IDH2: variants seen among roughly 807,000 people sequenced by gnomAD.
The protein encoded by IDH2 is isocitrate dehydrogenase [NADP], mitochondrial.
Under a neutral mutation model 50.5 loss-of-function variants are expected in IDH2, and 18 were observed. The observed-to-expected ratio is 0.36, with a 90% CI of 0.25 to 0.53. The LOEUF is 0.53. Ranked by LOEUF, IDH2 falls within the 20% of genes least tolerant of loss-of-function variation. The pLI is 0.92. For synonymous variants in IDH2, 280 were observed against 239.8 expected (o/e 1.17, Z -1.55); for missense variants, 518 against 610.7 (o/e 0.85, Z 1.60).
At chr15:90,102,203 G>C (rs1458641154) in intron 1 of IDH2, 73 bp downstream of exon 1, 1 of 612,144 alleles carries the variant, frequency 1.6e-6, no homozygotes, top group Non-Finnish European at 2.3e-6. Context: ...CGTGCTTCCC[G>C]GCCCCAGCCT....
At chr15:90,093,076 C>A (rs1209118617) in intron 1 of IDH2, among the ~76,000 whole-genome samples, 1 of 152,248 alleles carries the variant, frequency 6.6e-6, no homozygotes, top group Non-Finnish European at 1.5e-5. Flanking sequence ...AGGAGATCAA[C>A]ACAAAGAACA....
intron 1 of IDH2, among the ~76,000 whole-genome samples, chr15:90,093,613 T>A (rs11630335): frequency 0.38 from 47,137 of 125,512 alleles, 8,056 homozygotes; most frequent in African/African-American, 0.52. Flanking sequence ...TTAATTAATT[T>A]ATTTATTTAT....
chr15:90,090,016 A>G (rs1384773363), intron 3 of IDH2, among the ~76,000 whole-genome samples: 1 of 152,206 alleles, frequency 6.6e-6, no homozygotes, highest in Non-Finnish European at 1.5e-5. Flanking sequence ...CCTGCCTGCA[A>G]GACTGTCCAC....
intron 1 of IDH2, 127 bp downstream of exon 1, chr15:90,102,149 T>G: frequency 2.9e-5 from 10 of 348,430 alleles, no homozygotes; most frequent in Admixed American, 5.0e-5. Flanking sequence ...CCGCGGCCCT[T>G]TGTGCGCCTG....
chr15:90,090,728 C>T (rs938690883), intron 2 of IDH2, 84 bp from the exon 3 acceptor site: 2 of 1,402,706 alleles, frequency 1.4e-6, no homozygotes, highest in Non-Finnish European at 2.0e-6. Flanking sequence ...GTCTGCAGGC[C>T]ATGGCAGGGG....
intron 1 of IDH2, among the ~76,000 whole-genome samples, chr15:90,094,146 C>G (rs917240749): frequency 2.6e-5 from 4 of 152,156 alleles, no homozygotes; most frequent in Non-Finnish European, 4.4e-5. Flanking sequence ...AGGGGCTGAT[C>G]AGAGGTCCAG....
rs1901307915 is a variant in IDH2, at chr15:90,100,733, G to A, written c.115+1543C>T. ...AATGCCAAGTATTCTGTCTCCAGCT[G>A]CGTTGCCAGGTAACAAGCTGGCAGA... is the stretch of plus-strand genomic sequence containing the variant. On this transcript the variant is annotated intron_variant, in intron 1 of 10. Coordinates refer to ENST00000330062, the MANE Select transcript of IDH2 (RefSeq NM_002168.4). This position sits in a 1 kb window ranked among gnomAD's most constrained non-coding sequence, Gnocchi z 4.1. 1.3e-6 allele frequency: 1 copy of A among 796,522 alleles called. No homozygotes were observed. The highest frequency in any genetic ancestry group is 1.5e-6 in the Non-Finnish European group (1 of 657,346). 49.3% of individuals were successfully genotyped at this position (796,522 alleles called of 1,614,324 possible). A position where few individuals can be genotyped will look rare whatever the true frequency, so the allele number is the denominator to read the frequency against.
rs1029266639 is a variant in IDH2 at position 90,098,498 on chromosome 15, T to C, written c.115+3778A>G. On this transcript the variant is annotated intron_variant, in intron 1 of 10. Transcript: ENST00000330062. The surrounding 1 kb of genome is among the most constrained non-coding windows in gnomAD (Gnocchi z 5.1). ...AAGAAGGCAGGACAGCAACTTTGTA[T>C]ATTTTATGTATGTATGTATGTATGT... 3.5e-5 allele frequency among the ~76,000 whole-genome samples: 2 copies of C among 57,320 alleles called. No individual in the cohort carries two copies. Among genetic ancestry groups the C allele is most frequent in the African/African-American group, 8.7e-5 (2 of 23,104 alleles). The allele number at this position is 57,320 out of a possible 152,430, so 37.6% of individuals were successfully genotyped here.
rs147978726 is a variant in IDH2 at position 90,087,627 on chromosome 15, C to G, written c.679-52G>C. On this transcript the variant is annotated intron_variant, in intron 5 of 10. Transcript: ENST00000330062. Reference sequence around the variant, plus strand: ...CGTGGTGCCCTAGCCTGGCGATTGCCGGCAACCTCCCACCTCCCAGGGCAA... The same window carrying G: ...CGTGGTGCCCTAGCCTGGCGATTGCGGGCAACCTCCCACCTCCCAGGGCAA... 4 of 1,609,134 alleles carry G rather than the reference C, an allele frequency of 2.5e-6. No individual in the cohort carries two copies. In the Admixed American group the frequency reaches 5.0e-5, roughly 20 times the overall value.
intron 1 of IDH2, among the ~76,000 whole-genome samples, 180 bp downstream of exon 1, chr15:90,102,096 C>CGGCCGGGAAG (rs1901348746): frequency 6.6e-6 from 1 of 152,000 alleles, no homozygotes; most frequent in Non-Finnish European, 1.5e-5. Context: ...GCGCCTGGCA[C>CGGCCGGGAAG]GGCCGGGAAG....
rs965380139 is a variant in IDH2 at position 90,084,982 on chromosome 15, C to T, written c.1178+19G>A. The T allele has an allele frequency of 9.3e-6, 15 of 1,612,948 alleles. No homozygotes were observed. The highest frequency in any genetic ancestry group is 1.3e-5 in the Non-Finnish European group (15 of 1,179,270). On this transcript the variant is annotated intron_variant, in intron 9 of 10. Coordinates refer to ENST00000330062, the MANE Select transcript of IDH2 (RefSeq NM_002168.4). The surrounding 1 kb of genome is among the most constrained non-coding windows in gnomAD (Gnocchi z 5.0). The stretch of plus-strand genomic sequence containing the variant: ...CAGAGCCTGTCCTGGGCAGCTCCGG[C>T]CTCTCCCTCCATGCTCACCTGATGA...
intron 1 of IDH2, among the ~76,000 whole-genome samples, chr15:90,097,939 C>T (rs921226626): frequency 1.3e-5 from 2 of 152,154 alleles, no homozygotes; most frequent in African/African-American, 2.4e-5. Context: ...GGGCTGAAGG[C>T]GGCCTCTCCC....
chr15:90,095,621 C>T (rs1032914985), intron 1 of IDH2, among the ~76,000 whole-genome samples: 1 of 152,172 alleles, frequency 6.6e-6, no homozygotes. Flanking sequence ...AGATCAAAGA[C>T]CTGATGTGTC....
chr15:90,090,476 C>CA lies in IDH2; in HGVS notation c.373+2dup, dbSNP rs755210401. 6.2e-7 allele frequency: 1 copy of CA among 1,613,094 alleles called. No individual in the cohort carries two copies. Among genetic ancestry groups the CA allele is most frequent in the Non-Finnish European group, 8.5e-7 (1 of 1,180,010 alleles). ...TGGCCCGCCCACCTCCACACCCTCG[C>CA]ACCTTCCACACGGGCCTCATCAGGG... On this transcript the variant is annotated splice_region_variant and intron_variant, in intron 3 of 10. Transcript: ENST00000330062.
At position 90,098,776 on chromosome 15, in the gene IDH2, C is replaced by T. The variant is rs1901255561; in HGVS notation, c.115+3500G>A. ...CCAGGCAGGTCTCGAACTCCTGGCC[C>T]CAACTGATCCGCCTGCTTCGGCCTC... On this transcript the variant is annotated intron_variant, in intron 1 of 10. Coordinates refer to ENST00000330062, the MANE Select transcript of IDH2 (RefSeq NM_002168.4). The surrounding 1 kb of genome is among the most constrained non-coding windows in gnomAD (Gnocchi z 5.1). Among the ~76,000 whole-genome samples, 1 of 152,118 alleles carries T rather than the reference C, an allele frequency of 6.6e-6. No individual in the cohort carries two copies. Among genetic ancestry groups the T allele is most frequent in the Admixed American group, 6.5e-5 (1 of 15,272 alleles).
At chr15:90,087,902 G>A (rs1215343672) in intron 5 of IDH2, among the ~76,000 whole-genome samples, 1 of 151,082 alleles carries the variant, frequency 6.6e-6, no homozygotes, top group Admixed American at 6.6e-5. Context: ...CCTAGCGCTG[G>A]GGTTGACAGT....
chr15:90,089,661 C>T (rs972440000), intron 3 of IDH2, among the ~76,000 whole-genome samples: 2 of 152,208 alleles, frequency 1.3e-5, no homozygotes, highest in Admixed American at 6.5e-5. Context: ...AGATGTATCT[C>T]GAGTACTTTC....
Position 90,090,604 on chromosome 15 carries a change from T to C in IDH2, c.248A>G (p.Asp83Gly). The part of the protein sequence containing the change: ...PHVDIQLKYF[D>G]LGLPNRDQTD... ...CTGGTCACGGTTTGGGAGCCCGAGG[T>C]CAAAATACTTTAGCTGGATGTCCAC... The change falls in exon 3 of 11, where the codon GAC becomes GGC. Residue 83 changes from aspartate (D) to glycine (G), a missense_variant. This residue lies in a region of IDH2 where 68 missense variants were observed against 109.7 expected (regional missense o/e 0.62). Coordinates refer to ENST00000330062, the MANE Select transcript of IDH2 (RefSeq NM_002168.4). 1 of 1,614,124 alleles carries C rather than the reference T, an allele frequency of 6.2e-7. No homozygotes were observed. Among genetic ancestry groups the C allele is most frequent in the Non-Finnish European group, 8.5e-7 (1 of 1,180,028 alleles).
chr15:90,087,457 A>G lies in IDH2; in HGVS notation c.797T>C (p.Phe266Ser). The G allele has an allele frequency of 6.2e-7, 1 of 1,614,206 alleles. No homozygotes were observed. Among genetic ancestry groups the G allele is most frequent in the Non-Finnish European group, 8.5e-7 (1 of 1,180,026 alleles). The part of the protein sequence containing the change: ...KAYDGRFKDI[F>S]QEIFDKHYKT... The stretch of plus-strand genomic sequence containing the variant: ...GCTTTACTTGTCAAAGATCTCCTGG[A>G]AGATGTCCTTGAAACGCCCATCGTA... Residue 266 changes from phenylalanine to serine, a missense_variant, in exon 6 of 11, where the codon TTC becomes TCC. Transcript: ENST00000330062.
Sources: gnomAD v4.1 joint callset for allele counts (sites outside exome capture counted in the v4.1 genomes callset) on GRCh38, gnomAD v4.1.1 for gene constraint, gnomAD v4.1.1 regional missense constraint, Gnocchi (gnomAD v3.1) non-coding constraint, MANE v1.5 for transcripts, NCBI Gene and HGNC (gene_info 2026-07-23, HGNC 2026-07-21) for gene names.